Variants in KATNAL1 observed in about 807,000 individuals in gnomAD.
KATNAL1 encodes the protein katanin p60 ATPase-containing subunit A-like 1.
Under a neutral mutation model 55.2 loss-of-function variants are expected in KATNAL1, and 32 were observed. The observed-to-expected ratio is 0.58, with a 90% confidence interval of 0.44 to 0.78. KATNAL1 has a LOEUF of 0.78. KATNAL1 is among the 30% of genes least tolerant of loss of function. The pLI, the probability that KATNAL1 is intolerant of heterozygous loss-of-function variation, is 0.00. For missense variants in KATNAL1, 466 were observed against 600.9 expected, an observed-to-expected ratio of 0.78 and a Z score of 2.35; for synonymous variants, 193 against 193.6, an observed-to-expected ratio of 1.00 and a Z score of 0.02.
chr13:30,236,153 T>C (rs1876656424), intron 6 of KATNAL1, among the ~76,000 whole-genome samples: 1 of 152,200 alleles, frequency 6.6e-6, no homozygotes, highest in South Asian at 2.1e-4. Context: ...ACGATGTTCA[T>C]GCCTATGTCG....
chr13:30,207,011 C>T lies in KATNAL1; in HGVS notation c.*1529G>A, dbSNP rs1321132706. The T allele has an allele frequency of 6.6e-6, 1 of 152,072 alleles. No individual in the cohort carries two copies. The highest frequency in any genetic ancestry group is 1.5e-5 in the Non-Finnish European group (1 of 67,992). The allele number at this position is 152,072 out of a possible 1,614,324, so 9.4% of individuals were successfully genotyped here. A position where few individuals can be genotyped will look rare whatever the true frequency, so the allele number is the denominator to read the frequency against. ...ATCTGAAAAGAACATAAGGCATTTACAGTTTTTAGCAGGGAAAAATAATCA... is the reference window on the plus strand; with the variant it reads ...ATCTGAAAAGAACATAAGGCATTTATAGTTTTTAGCAGGGAAAAATAATCA... On this transcript the variant is annotated 3_prime_UTR_variant, in exon 11 of 11. Coordinates refer to ENST00000380615, the MANE Select transcript of KATNAL1 (RefSeq NM_032116.5).
intron 3 of KATNAL1, among the ~76,000 whole-genome samples, chr13:30,270,685 T>C (rs1260608356): frequency 1.2e-4 from 18 of 151,796 alleles, no homozygotes; most frequent in Non-Finnish European, 2.4e-4. Context: ...GTGCAAGATG[T>C]GCTTTGTTAA....
At position 30,204,085 on chromosome 13, in the gene KATNAL1, C is replaced by T. The variant is rs1332004395; in HGVS notation, c.*4455G>A. On this transcript the variant is annotated 3_prime_UTR_variant, in exon 11 of 11. Transcript: ENST00000380615. ...GCTTTTTCCTATTGTGACATATTCTCAGGTTCACACAAATATTACGTGCAT... is the reference window on the plus strand; with the variant it reads ...GCTTTTTCCTATTGTGACATATTCTTAGGTTCACACAAATATTACGTGCAT... The T allele has an allele frequency of 6.6e-6, 1 of 152,108 alleles. No homozygotes were observed. The highest frequency in any genetic ancestry group is 1.5e-5 in the Non-Finnish European group (1 of 68,034). 9.4% of individuals were successfully genotyped at this position (152,108 alleles called of 1,614,324 possible).
chr13:30,280,238 A>T lies in KATNAL1; in HGVS notation c.163-15T>A, dbSNP rs762410606. 3.2e-6 allele frequency: 5 copies of T among 1,553,878 alleles called. No individual in the cohort carries two copies. The highest frequency in any genetic ancestry group is 4.3e-6 in the Non-Finnish European group (5 of 1,150,868). On this transcript the variant is annotated splice_polypyrimidine_tract_variant and intron_variant, in intron 2 of 10. Coordinates refer to ENST00000380615, the MANE Select transcript of KATNAL1 (RefSeq NM_032116.5). ...TCCTGCCGAACCTTAAAAAAAAAAA[A>T]TAGGCTTTATGCTAGAAGCTGTTTA...
chr13:30,267,849 C>G (rs940878209), intron 3 of KATNAL1, among the ~76,000 whole-genome samples: 1 of 152,084 alleles, frequency 6.6e-6, no homozygotes. Context: ...CTCAGACATC[C>G]GAGGGCTGGA....
At chr13:30,275,239 AG>A (rs775673283) in intron 3 of KATNAL1, among the ~76,000 whole-genome samples, 7 of 152,184 alleles carry the variant, frequency 4.6e-5, no homozygotes, top group Non-Finnish European at 8.8e-5. Context: ...CAGAAGGCAA[AG>A]GGGGAAGCCA....
At chr13:30,224,321 A>C (rs898220645) in intron 9 of KATNAL1, among the ~76,000 whole-genome samples, 2 of 152,150 alleles carry the variant, frequency 1.3e-5, no homozygotes, top group African/African-American at 4.8e-5. Context: ...GCTTGAGGCC[A>C]GGAGTTTGAG....
At position 30,274,891 on chromosome 13, in the gene KATNAL1, A is replaced by ACGCGCGCG. The variant is rs138328965; in HGVS notation, c.323+5164_323+5171dup. On this transcript the variant is annotated intron_variant, in intron 3 of 10. Coordinates refer to ENST00000380615, the MANE Select transcript of KATNAL1 (RefSeq NM_032116.5). The stretch of plus-strand genomic sequence containing the variant: ...GGGGGCGGGGTGTGTGCACACACAT[A>ACGCGCGCG]CGCGCGCGCGCGCGCGCACACACAC... Among the ~76,000 whole-genome samples the ACGCGCGCG allele has an allele frequency of 7.9e-4, 97 of 122,154 alleles. 1 individual carries two copies. The highest frequency in any genetic ancestry group is 1.9e-3 in the African/African-American group (58 of 30,678). 80.1% of individuals were successfully genotyped at this position (122,154 alleles called of 152,430 possible). A position where few individuals can be genotyped will look rare whatever the true frequency, so the allele number is the denominator to read the frequency against.
At chr13:30,301,243 G>T (rs940162816) in intron 1 of KATNAL1, among the ~76,000 whole-genome samples, 5 of 152,156 alleles carry the variant, frequency 3.3e-5, no homozygotes, top group Non-Finnish European at 7.4e-5. Context: ...GGTAGCGAGT[G>T]CCTGTGGTCC....
intron 3 of KATNAL1, among the ~76,000 whole-genome samples, chr13:30,267,305 T>A (rs979275284): frequency 6.6e-6 from 1 of 152,238 alleles, no homozygotes; most frequent in East Asian, 1.9e-4. Flanking sequence ...ACTCTACAGA[T>A]AATAAAATAG....
intron 1 of KATNAL1, among the ~76,000 whole-genome samples, chr13:30,297,050 G>A (rs7336250): frequency 0.057 from 8,588 of 151,720 alleles, 364 homozygotes; most frequent in East Asian, 0.25. Flanking sequence ...CGGGATGATC[G>A]CTTGAGTCTG....
chr13:30,210,759 A>G (rs1449777643), intron 9 of KATNAL1: 6 of 178,848 alleles, frequency 3.4e-5, no homozygotes, highest in Admixed American at 3.1e-4. Flanking sequence ...AAAAATATAA[A>G]TATCAGTTTT....
In KATNAL1 at chr13:30,241,075, A is replaced by G; in HGVS notation, c.504T>C (p.Asn168=). The change falls in exon 5 of 11, where the codon AAT becomes AAC. Residue 168 remains asparagine (N), a synonymous_variant. Transcript: ENST00000380615. ...ARGRDDKGRK[N]MQDGASDGEM... is the part of the protein sequence containing the mutation. ...CACCATCACTTGCACCATCTTGCAT[A>G]TTCTTCCTTCCCTGGGGATAGGTAT... 1 of 1,612,750 alleles carries G rather than the reference A, an allele frequency of 6.2e-7. No individual in the cohort carries two copies. Among genetic ancestry groups the G allele is most frequent in the Non-Finnish European group, 8.5e-7 (1 of 1,179,668 alleles).
Position 30,229,144 on chromosome 13 carries a change from A to G in KATNAL1, c.1012+1324T>C, listed in dbSNP as rs1318264656. 2.7e-5 allele frequency among the ~76,000 whole-genome samples: 4 copies of G among 150,926 alleles called. No individual in the cohort carries two copies. The Admixed American group carries it at 2.7e-4, about 10-fold the overall frequency. On this transcript the variant is annotated intron_variant, in intron 8 of 10. Coordinates refer to ENST00000380615, the MANE Select transcript of KATNAL1 (RefSeq NM_032116.5). ...TACCACACAGCTAACTTATCTCTAAACAGCAGCTCTGAGCCCATAACCCTT... is the reference window on the plus strand; with the variant it reads ...TACCACACAGCTAACTTATCTCTAAGCAGCAGCTCTGAGCCCATAACCCTT...
chr13:30,256,350 T>G (rs1297373734), intron 3 of KATNAL1, among the ~76,000 whole-genome samples: 1 of 152,242 alleles, frequency 6.6e-6, no homozygotes, highest in Non-Finnish European at 1.5e-5. Flanking sequence ...TTGAGGCTTC[T>G]CAGCACAGTT....
chr13:30,270,170 C>G (rs1303113185), intron 3 of KATNAL1, among the ~76,000 whole-genome samples: 1 of 134,138 alleles, frequency 7.5e-6, no homozygotes, highest in Non-Finnish European at 1.7e-5. Context: ...AGCCTCTCTG[C>G]CCAGCCAGCC....
intron 9 of KATNAL1, among the ~76,000 whole-genome samples, chr13:30,223,999 G>C (rs534829705): frequency 6.6e-6 from 1 of 152,050 alleles, no homozygotes; most frequent in South Asian, 2.1e-4. Context: ...ATCTTACAGA[G>C]TATGTTCCTA....
chr13:30,279,198 G>C (rs1037424835), intron 3 of KATNAL1, among the ~76,000 whole-genome samples: 69 of 152,292 alleles, frequency 4.5e-4, no homozygotes, highest in African/African-American at 1.5e-3. Context: ...CAGTTTCCTT[G>C]TGAAACTAAT....
chr13:30,260,973 G>C (rs1410933020), intron 3 of KATNAL1, among the ~76,000 whole-genome samples: 1 of 151,612 alleles, frequency 6.6e-6, no homozygotes, highest in Non-Finnish European at 1.5e-5. Flanking sequence ...CAGAGAGAAA[G>C]GTCGGGTTAC....
Sources: allele counts gnomAD v4.1 joint callset (sites outside exome capture counted in the v4.1 genomes callset), GRCh38; gene constraint gnomAD v4.1.1; transcripts MANE v1.5; gene names NCBI Gene and HGNC (gene_info 2026-07-23, HGNC 2026-07-21).